Variants in SLC4A7 observed in about 807,000 individuals in gnomAD.
The protein encoded by SLC4A7 is sodium bicarbonate cotransporter 3.
SLC4A7 carries 51 observed loss-of-function variants against 137.6 expected under a neutral mutation model. The observed-to-expected ratio is 0.37, with a 90% CI of 0.30 to 0.47. The LOEUF is 0.47. Ranked by LOEUF, SLC4A7 falls within the 20% of genes least tolerant of loss-of-function variation. The pLI, the probability that SLC4A7 is intolerant of heterozygous loss-of-function variation, is 1.00. For missense variants in SLC4A7, 1,247 were observed against 1,525.4 expected, an observed-to-expected ratio of 0.82 and a Z score of 3.04; for synonymous variants, 542 against 518.6, an observed-to-expected ratio of 1.05 and a Z score of -0.61.
chr3:27,476,666 A>T lies in SLC4A7; in HGVS notation c.60+7401T>A, dbSNP rs1438943321. ...TTCTCATGAGATCTGGTTGTTTGAGAGTGTGTAGCCCTTCCCACTTCTCTC... is the reference window on the plus strand; with the variant it reads ...TTCTCATGAGATCTGGTTGTTTGAGTGTGTGTAGCCCTTCCCACTTCTCTC... On this transcript the variant is annotated intron_variant, in intron 1 of 25. Coordinates refer to ENST00000454389, the MANE Select transcript of SLC4A7 (RefSeq NM_001321103.2). Among the ~76,000 whole-genome samples, 4 of 152,004 alleles carry T rather than the reference A, an allele frequency of 2.6e-5. No homozygotes were observed. The South Asian group carries it at 8.3e-4, about 32-fold the overall frequency.
At chr3:27,386,587 T>C (rs577141721) in intron 22 of SLC4A7, among the ~76,000 whole-genome samples, 120 of 152,270 alleles carry the variant, frequency 7.9e-4, no homozygotes, top group African/African-American at 2.8e-3. Flanking sequence ...GACTTTTGTT[T>C]ATGCATTTAT....
chr3:27,429,129 G>C (rs1188739722), intron 7 of SLC4A7, among the ~76,000 whole-genome samples: 1 of 151,880 alleles, frequency 6.6e-6, no homozygotes, highest in Non-Finnish European at 1.5e-5. Flanking sequence ...AGCCAGGCGT[G>C]GTGGTGCATG....
chr3:27,438,398 C>T (rs761698294), intron 3 of SLC4A7, among the ~76,000 whole-genome samples: 8 of 142,458 alleles, frequency 5.6e-5, no homozygotes, highest in South Asian at 2.2e-4. Flanking sequence ...CCAGCTACTC[C>T]GGAGGCTGAG....
Position 27,424,089 on chromosome 3 carries a change from T to A in SLC4A7, c.1214A>T (p.Lys405Ile). ...TCTGCTTCCACCACTTCCATTACCTTTAATTTCTCCACTTTTACTATTGTC... is the reference window on the plus strand; with the variant it reads ...TCTGCTTCCACCACTTCCATTACCTATAATTTCTCCACTTTTACTATTGTC... ...NLDNSKSGEI[K>I]GNGSGGSREN... is the part of the protein sequence containing the mutation. Residue 405 changes from lysine to isoleucine, a missense_variant, in exon 8 of 26, where the codon AAA becomes ATA. This residue lies in a region of SLC4A7 where 499 missense variants were observed against 664.2 expected (regional missense o/e 0.75). Coordinates refer to ENST00000454389, the MANE Select transcript of SLC4A7 (RefSeq NM_001321103.2). 1 of 1,612,444 alleles carries A rather than the reference T, an allele frequency of 6.2e-7. No individual in the cohort carries two copies. The highest frequency in any genetic ancestry group is 8.5e-7 in the Non-Finnish European group (1 of 1,178,998).
rs2049789146 is a variant in SLC4A7 at position 27,374,780 on chromosome 3, G to A, written c.*1984C>T. 1 of 152,486 alleles carries A rather than the reference G, an allele frequency of 6.6e-6. No individual in the cohort carries two copies. The highest frequency in any genetic ancestry group is 6.5e-5 in the Admixed American group (1 of 15,272). 9.4% of individuals were successfully genotyped at this position (152,486 alleles called of 1,614,324 possible). ...TAAAGTAAGTACAGTTGTTACCCCT[G>A]ATGTCCAGACACAAGGAAATGATGT... On this transcript the variant is annotated 3_prime_UTR_variant, in exon 26 of 26. Coordinates refer to ENST00000454389, the MANE Select transcript of SLC4A7 (RefSeq NM_001321103.2).
At chr3:27,380,361 G>T (rs1205645681) in intron 24 of SLC4A7, among the ~76,000 whole-genome samples, 1 of 147,708 alleles carries the variant, frequency 6.8e-6, no homozygotes, top group African/African-American at 2.5e-5. Flanking sequence ...TACAATAAGA[G>T]AAAAATGTTT....
intron 3 of SLC4A7, among the ~76,000 whole-genome samples, chr3:27,441,798 TTC>T (rs1405571344): frequency 6.6e-6 from 1 of 152,102 alleles, no homozygotes; most frequent in Non-Finnish European, 1.5e-5. Context: ...TTTAATGCAT[TTC>T]TGTTTGCTAG....
At chr3:27,463,107 A>G (rs1230223373) in intron 1 of SLC4A7, among the ~76,000 whole-genome samples, 1 of 151,556 alleles carries the variant, frequency 6.6e-6, no homozygotes, top group African/African-American at 2.4e-5. Flanking sequence ...CCTGGCCAAC[A>G]TGGCGAAACC....
Position 27,386,129 on chromosome 3 carries a change from T to C in SLC4A7, c.3361-106A>G, listed in dbSNP as rs549856911. 2.1e-4 allele frequency: 173 copies of C among 804,720 alleles called. 1 individual carries two copies. The highest frequency in any genetic ancestry group is 3.1e-4 in the Non-Finnish European group (161 of 526,892). The allele number at this position is 804,720 out of a possible 1,614,324, so 49.8% of individuals were successfully genotyped here. The stretch of plus-strand genomic sequence containing the variant: ...ATCTTATAAAAAATGCTTCATATAG[T>C]TTAAAAATTATTCACACATCATTTT... On this transcript the variant is annotated intron_variant, in intron 22 of 25. Transcript: ENST00000454389.
At chr3:27,436,241 T>G in intron 5 of SLC4A7, 147 bp downstream of exon 5, 1 of 520,810 alleles carries the variant, frequency 1.9e-6, no homozygotes, top group Non-Finnish European at 3.3e-6. Flanking sequence ...TAATTTAATC[T>G]CATCTGCAAA....
intron 1 of SLC4A7, among the ~76,000 whole-genome samples, chr3:27,477,919 T>G (rs2059532339): frequency 6.6e-6 from 1 of 152,306 alleles, no homozygotes; most frequent in South Asian, 2.1e-4. Context: ...CCGGCTTTCA[T>G]GCTCTTTTGA....
chr3:27,456,876 A>C, intron 1 of SLC4A7: 1 of 1,378,514 alleles, frequency 7.3e-7, no homozygotes, highest in Non-Finnish European at 9.4e-7. Flanking sequence ...TACAACTTAC[A>C]CAGGGTCACA....
intron 7 of SLC4A7, among the ~76,000 whole-genome samples, chr3:27,425,393 A>AAG (rs2055468987): frequency 2.4e-5 from 3 of 123,742 alleles, no homozygotes; most frequent in African/African-American, 8.3e-5. Flanking sequence ...AAAAAAAAAA[A>AAG]GGGCCAGGCG....
chr3:27,407,562 G>A (rs1007897465), intron 13 of SLC4A7, among the ~76,000 whole-genome samples: 2 of 151,352 alleles, frequency 1.3e-5, no homozygotes, highest in African/African-American at 4.9e-5. Context: ...CCCATCAGAA[G>A]GCCTACCTAC....
At chr3:27,406,651 G>A (rs780804271) in intron 13 of SLC4A7, among the ~76,000 whole-genome samples, 11 of 152,248 alleles carry the variant, frequency 7.2e-5, no homozygotes, top group Non-Finnish European at 1.2e-4. Flanking sequence ...AAAATGGGCC[G>A]GGCACCATGG....
At chr3:27,479,746 A>G (rs2059632417) in intron 1 of SLC4A7, among the ~76,000 whole-genome samples, 1 of 152,226 alleles carries the variant, frequency 6.6e-6, no homozygotes, top group African/African-American at 2.4e-5. Flanking sequence ...AACTAAAAAT[A>G]CTGTATGCAT....
At chr3:27,399,201 T>C (rs1289285742) in intron 16 of SLC4A7, among the ~76,000 whole-genome samples, 5 of 152,212 alleles carry the variant, frequency 3.3e-5, no homozygotes, top group Admixed American at 6.5e-5. Context: ...ATCCATTCCA[T>C]GGATCATGAA....
intron 13 of SLC4A7, among the ~76,000 whole-genome samples, chr3:27,406,330 C>T (rs1229611003): frequency 2.0e-5 from 3 of 152,182 alleles, no homozygotes; most frequent in Non-Finnish European, 4.4e-5. Flanking sequence ...GGTAGCAATT[C>T]TCATCATCAG....
chr3:27,441,581 C>G (rs2057196309), intron 3 of SLC4A7, among the ~76,000 whole-genome samples: 1 of 152,114 alleles, frequency 6.6e-6, no homozygotes, highest in South Asian at 2.1e-4. Flanking sequence ...CGGCCTCAAA[C>G]TCCTAGGCTA....
Sources: gnomAD v4.1 joint callset for allele counts (sites outside exome capture counted in the v4.1 genomes callset) on GRCh38, gnomAD v4.1.1 for gene constraint, gnomAD v4.1.1 regional missense constraint, MANE v1.5 for transcripts, NCBI Gene and HGNC (gene_info 2026-07-23, HGNC 2026-07-21) for gene names.